UBE3D: variants seen among roughly 807,000 people sequenced by gnomAD.
UBE3D encodes E3 ubiquitin-protein ligase E3D.
Under a neutral mutation model 49.6 loss-of-function variants are expected in UBE3D, and 48 were observed. The observed-to-expected ratio is 0.97, with a 90% CI of 0.77 to 1.23. UBE3D has a LOEUF of 1.23. Among genes scored for constraint, UBE3D ranks in the 50% most tolerant of loss-of-function variants. UBE3D has a pLI of 0.00. For synonymous variants in UBE3D, 189 were observed against 174.2 expected, an observed-to-expected ratio of 1.08 and a Z score of -0.67; for missense variants, 452 against 468.4, an observed-to-expected ratio of 0.96 and a Z score of 0.32.
In UBE3D at chr6:83,010,203, C is replaced by T. The variant is rs980095190; in HGVS notation, c.1010+8770G>A. ...TGTATTAAAATTTTAAGGTTAATCA[C>T]GAATAATCATTTTGAAATAAATAAA... On this transcript the variant is annotated intron_variant, in intron 8 of 9. Coordinates refer to ENST00000369747, the MANE Select transcript of UBE3D (RefSeq NM_198920.3). Among the ~76,000 whole-genome samples, 8 of 151,864 alleles carry T rather than the reference C, an allele frequency of 5.3e-5. No individual in the cohort carries two copies. The East Asian group carries it at 1.2e-3, about 22-fold the overall frequency.
At chr6:82,923,621 G>A (rs1380774731) in intron 9 of UBE3D, among the ~76,000 whole-genome samples, 2 of 152,154 alleles carry the variant, frequency 1.3e-5, no homozygotes, top group Non-Finnish European at 2.9e-5. Flanking sequence ...TGTAGGTGAC[G>A]GGTTGATTGG....
intron 8 of UBE3D, among the ~76,000 whole-genome samples, chr6:82,974,276 C>A (rs574276380): frequency 6.6e-6 from 1 of 152,184 alleles, no homozygotes; most frequent in East Asian, 1.9e-4. Flanking sequence ...GTCCCTTGTG[C>A]CGAAAAGGTT....
intron 8 of UBE3D, among the ~76,000 whole-genome samples, chr6:82,990,814 G>A (rs940683437): frequency 4.6e-5 from 7 of 151,992 alleles, no homozygotes; most frequent in African/African-American, 1.7e-4. Flanking sequence ...TATAAATACT[G>A]AAGCCCTCAA....
At chr6:82,921,168 G>C (rs985385592) in intron 9 of UBE3D, among the ~76,000 whole-genome samples, 4 of 152,048 alleles carry the variant, frequency 2.6e-5, no homozygotes, top group African/African-American at 9.7e-5. Flanking sequence ...TGCCCAGGCT[G>C]GTCTTGAAAT....
chr6:83,014,841 T>C (rs1012782950), intron 8 of UBE3D, among the ~76,000 whole-genome samples: 2 of 152,136 alleles, frequency 1.3e-5, no homozygotes, highest in Admixed American at 1.3e-4. Flanking sequence ...AGTCTGGAAA[T>C]TGATTGAGGG....
At chr6:83,018,354 G>A (rs1245437747) in intron 8 of UBE3D, 1 of 152,140 alleles carries the variant, frequency 6.6e-6, no homozygotes, top group Non-Finnish European at 1.5e-5. Context: ...AATCTTCCCT[G>A]ACTTTGCAAT....
intron 5 of UBE3D, chr6:83,037,641 C>T (rs1782358154): frequency 6.6e-6 from 1 of 152,158 alleles, no homozygotes; most frequent in Admixed American, 6.5e-5. Context: ...AGTACAATTG[C>T]TTCATGTAAA....
chr6:82,932,233 T>G (rs530306603), intron 9 of UBE3D, among the ~76,000 whole-genome samples: 85 of 152,296 alleles, frequency 5.6e-4, no homozygotes, highest in Non-Finnish European at 6.2e-4. Flanking sequence ...CTAATACATA[T>G]GATGACACAT....
intron 9 of UBE3D, among the ~76,000 whole-genome samples, chr6:82,917,562 C>G (rs1773014603): frequency 6.6e-6 from 1 of 152,162 alleles, no homozygotes; most frequent in African/African-American, 2.4e-5. Context: ...CATATTTAAC[C>G]ACTATGAGAC....
chr6:82,923,568 GGT>G (rs1487389934), intron 9 of UBE3D, among the ~76,000 whole-genome samples: 4 of 152,182 alleles, frequency 2.6e-5, no homozygotes, highest in Non-Finnish European at 5.9e-5. Flanking sequence ...GCCCTGTGGG[GGT>G]GGGGGGCTAG....
At chr6:82,885,670 A>G in the UBE3D span, among the ~76,000 whole-genome samples, 6 of 152,174 alleles carry the variant, frequency 3.9e-5, no homozygotes, top group Non-Finnish European at 5.9e-5. Context: ...GGTACAAAAA[A>G]TATATATTTT....
At chr6:82,938,341 A>G (rs1467703500) in intron 9 of UBE3D, 1 of 152,170 alleles carries the variant, frequency 6.6e-6, no homozygotes, top group Non-Finnish European at 1.5e-5. Flanking sequence ...GTCCTACCAC[A>G]TCAGACGTGC....
At chr6:83,025,903 A>G (rs1189367163) in intron 5 of UBE3D, among the ~76,000 whole-genome samples, 1 of 148,310 alleles carries the variant, frequency 6.7e-6, no homozygotes, top group Non-Finnish European at 1.5e-5. Context: ...AAAAAAAAAA[A>G]AAGAAAAATT....
rs560210635 is a variant in UBE3D, at chr6:83,011,889, G to A, written c.1010+7084C>T. On this transcript the variant is annotated intron_variant, in intron 8 of 9. Transcript: ENST00000369747. The stretch of plus-strand genomic sequence containing the variant: ...CTTCCACCCCTCAATTCCTGGACCC[G>A]TGAATCCTAGCTATGGGAGAAACAC... Among the ~76,000 whole-genome samples the A allele has an allele frequency of 8.5e-4, 129 of 152,174 alleles. 1 individual carries two copies. The highest frequency in any genetic ancestry group is 2.9e-3 in the African/African-American group (121 of 41,518).
chr6:82,950,128 A>C (rs1775681623), intron 9 of UBE3D, among the ~76,000 whole-genome samples: 1 of 152,252 alleles, frequency 6.6e-6, no homozygotes, highest in Non-Finnish European at 1.5e-5. Flanking sequence ...ACAAGAGATT[A>C]ATAACCAGAA....
At chr6:83,006,832 T>C (rs1780015762) in intron 8 of UBE3D, among the ~76,000 whole-genome samples, 1 of 152,138 alleles carries the variant, frequency 6.6e-6, no homozygotes, top group Non-Finnish European at 1.5e-5. Flanking sequence ...GTTTTGGAGA[T>C]CTGTTTCACA....
At chr6:82,901,562 A>G (rs984984221) in intron 9 of UBE3D, among the ~76,000 whole-genome samples, 5 of 152,144 alleles carry the variant, frequency 3.3e-5, no homozygotes, top group East Asian at 1.9e-4. Context: ...ATCTAGTCCA[A>G]CCATTTTATA....
intron 5 of UBE3D, among the ~76,000 whole-genome samples, chr6:83,035,065 C>T (rs1255112857): frequency 2.6e-5 from 4 of 151,592 alleles, no homozygotes; most frequent in South Asian, 2.1e-4. Flanking sequence ...CCTGTGGTCC[C>T]GGCTACTTGG....
Position 82,985,823 on chromosome 6 carries a change from T to C in UBE3D, c.1011-28373A>G, listed in dbSNP as rs1778448473. 2.6e-5 allele frequency among the ~76,000 whole-genome samples: 4 copies of C among 152,206 alleles called. No individual in the cohort carries two copies. In the South Asian group the frequency reaches 8.3e-4, roughly 31 times the overall value. The stretch of plus-strand genomic sequence containing the variant: ...TGTTTGAGAGGCCACCTTTCCTATG[T>C]ATTATGTTTATATATGAAATCAGGT... On this transcript the variant is annotated intron_variant, in intron 8 of 9. Coordinates refer to ENST00000369747, the MANE Select transcript of UBE3D (RefSeq NM_198920.3).
Sources: gnomAD v4.1 joint callset for allele counts (sites outside exome capture counted in the v4.1 genomes callset) on GRCh38, gnomAD v4.1.1 for gene constraint, MANE v1.5 for transcripts, NCBI Gene and HGNC (gene_info 2026-07-23, HGNC 2026-07-21) for gene names.